Variants in SHROOM1 observed in about 807,000 individuals in gnomAD.
SHROOM1 encodes shroom family member 1.
A neutral mutation model predicts 64.2 loss-of-function variants in SHROOM1; 53 were observed. That is an observed-to-expected ratio of 0.83 (90% CI 0.66 to 1.04). The LOEUF (loss-of-function observed/expected upper bound fraction) is 1.04, where lower values mean the gene tolerates loss of function less well. Among genes scored for constraint, SHROOM1 ranks in the 50% least tolerant of loss-of-function variants. The pLI is 0.00. For synonymous variants in SHROOM1, 490 were observed against 518.9 expected (o/e 0.94, Z 0.76); for missense variants, 1,179 against 1,163.2 (o/e 1.01, Z -0.20).
rs1758532672 is a variant in SHROOM1, at chr5:132,823,531, A to AAGGCTCAAGGCTGGGGCC, written c.1954-27_1954-10dup. 3 of 1,588,564 alleles carry AAGGCTCAAGGCTGGGGCC rather than the reference A, an allele frequency of 1.9e-6. No individual in the cohort carries two copies. The East Asian group carries it at 6.8e-5, about 36-fold the overall frequency. ...CGGGCGGCCAGCTCCACCTACAGGG[A>AAGGCTCAAGGCTGGGGCC]AGGCTCAAGGCTGGGGCCAGGCTCA... On this transcript the variant is annotated splice_polypyrimidine_tract_variant and intron_variant, in intron 8 of 9. Coordinates refer to ENST00000378679, the MANE Select transcript of SHROOM1 (RefSeq NM_001172700.2). This position sits in a 1 kb window ranked among gnomAD's most constrained non-coding sequence, Gnocchi z 4.6.
chr5:132,829,546 G>C lies in SHROOM1; in HGVS notation c.-501+1048C>G, dbSNP rs1447471060. The C allele has an allele frequency of 9.2e-6, 9 of 979,162 alleles. No individual in the cohort carries two copies. The East Asian group carries it at 4.5e-4, about 49-fold the overall frequency. 60.7% of individuals were successfully genotyped at this position (979,162 alleles called of 1,614,324 possible). A position where few individuals can be genotyped will look rare whatever the true frequency, so the allele number is the denominator to read the frequency against. On this transcript the variant is annotated intron_variant, in intron 1 of 9. Transcript: ENST00000378679. ...CAGATCCAAGTAAGGCGACCGAGGA[G>C]GCACAGGAGAACGGACAGCCTCAAA...
At chr5:132,826,899 T>C (rs183790121) in intron 2 of SHROOM1, among the ~76,000 whole-genome samples, 30 of 152,344 alleles carry the variant, frequency 2.0e-4, no homozygotes, top group Admixed American at 1.1e-3. Context: ...ATCAATTTCC[T>C]AGAAGCAAGC....
Position 132,823,656 on chromosome 5 carries a change from G to A in SHROOM1, c.1920C>T (p.Leu640=), listed in dbSNP as rs932576499. ...PVLDQPCGQG[L]PAPNNSIQGK... Reference sequence around the variant, plus strand: ...CCTGGATGCTGTTGTTTGGTGCAGGGAGCCCCTGCCCACATGGCTGGTCAA... The same window carrying A: ...CCTGGATGCTGTTGTTTGGTGCAGGAAGCCCCTGCCCACATGGCTGGTCAA... Residue 640 remains leucine, a synonymous_variant, in exon 8 of 10, where the codon CTC becomes CTT. Coordinates refer to ENST00000378679, the MANE Select transcript of SHROOM1 (RefSeq NM_001172700.2). The surrounding 1 kb of genome is among the most constrained non-coding windows in gnomAD (Gnocchi z 4.6). 1.2e-5 allele frequency: 19 copies of A among 1,608,462 alleles called. No homozygotes were observed. In the East Asian group the frequency reaches 3.6e-4, roughly 30 times the overall value.
rs776321845 is a variant in SHROOM1 at position 132,825,556 on chromosome 5, C to T, written c.585G>A (p.Glu195=). 1.4e-6 allele frequency: 2 copies of T among 1,418,886 alleles called. No homozygotes were observed. Among genetic ancestry groups the T allele is most frequent in the South Asian group, 1.5e-5 (1 of 65,946 alleles). The allele number at this position is 1,418,886 out of a possible 1,614,324, so 87.9% of individuals were successfully genotyped here. ...RSASLSHPGG[E]GEPARSRAPA... is the part of the protein sequence containing the mutation. ...GAGCCCGGGAGCGCGCCGGCTCCCC[C>T]TCCCCGCCCGGGTGGCTGAGCGAGG... is the stretch of plus-strand genomic sequence containing the variant. The change falls in exon 4 of 10, where the codon GAG becomes GAA. Residue 195 remains glutamate, a synonymous_variant. Transcript: ENST00000378679. This position sits in a 1 kb window ranked among gnomAD's most constrained non-coding sequence, Gnocchi z 5.1.
chr5:132,825,802 C>A lies in SHROOM1; in HGVS notation c.339G>T (p.Pro113=). The change falls in exon 4 of 10, where the codon CCG becomes CCT. Residue 113 remains proline (P), a synonymous_variant. Coordinates refer to ENST00000378679, the MANE Select transcript of SHROOM1 (RefSeq NM_001172700.2). The surrounding 1 kb of genome is among the most constrained non-coding windows in gnomAD (Gnocchi z 5.1). ...TPGPLNRQAT[P]LLYALAAEAE... Reference sequence around the variant, plus strand: ...CCTCGGCCGCCAGCGCGTACAGCAGCGGGGTGGCCTGCCTGTTCAGTGGTC... The same window carrying A: ...CCTCGGCCGCCAGCGCGTACAGCAGAGGGGTGGCCTGCCTGTTCAGTGGTC... 2 of 1,247,738 alleles carry A rather than the reference C, an allele frequency of 1.6e-6. No individual in the cohort carries two copies. The highest frequency in any genetic ancestry group is 2.0e-6 in the Non-Finnish European group (2 of 998,272). The allele number at this position is 1,247,738 out of a possible 1,614,324, so 77.3% of individuals were successfully genotyped here.
rs542057296 is a variant in SHROOM1 at position 132,830,159 on chromosome 5, C to T, written c.-501+435G>A. The stretch of plus-strand genomic sequence containing the variant: ...GCCGCAGCCCCGCGCAGTTCTGGGC[C>T]TTTCCCGTTGGGTTCACCGTCGGGG... On this transcript the variant is annotated intron_variant, in intron 1 of 9. Transcript: ENST00000378679. This position sits in a 1 kb window ranked among gnomAD's most constrained non-coding sequence, Gnocchi z 5.9. 3.6e-5 allele frequency: 35 copies of T among 985,212 alleles called. 2 individuals are homozygous for T. In the South Asian group the frequency reaches 1.4e-3, roughly 40 times the overall value. 61.0% of individuals were successfully genotyped at this position (985,212 alleles called of 1,614,324 possible).
At position 132,823,141 on chromosome 5, in the gene SHROOM1, G is replaced by C. The variant is rs780852928; in HGVS notation, c.2227-13C>G. On this transcript the variant is annotated splice_polypyrimidine_tract_variant and intron_variant, in intron 9 of 9. Transcript: ENST00000378679. The surrounding 1 kb of genome is among the most constrained non-coding windows in gnomAD (Gnocchi z 4.6). ...GCAGCAGGGAGGCCTTGAGCCGCAG[G>C]AAGAGGCGCCGTGAGCCGGGTGAGG... The C allele has an allele frequency of 3.2e-6, 5 of 1,547,524 alleles. No individual in the cohort carries two copies. The highest frequency in any genetic ancestry group is 4.3e-6 in the Non-Finnish European group (5 of 1,155,070).
rs1758470138 is a variant in SHROOM1, at chr5:132,822,357, T to TC, written c.*438_*439insG. Reference sequence around the variant, plus strand: ...GAACACTTTGGAGAAGTATCTTTTTTTTTTTTTTTTTTTTTTTTTTTTTTG... The same window carrying TC: ...GAACACTTTGGAGAAGTATCTTTTTTCTTTTTTTTTTTTTTTTTTTTTTTTG... On this transcript the variant is annotated 3_prime_UTR_variant, in exon 10 of 10. Transcript: ENST00000378679. The TC allele has an allele frequency of 8.5e-6, 1 of 117,202 alleles. No individual in the cohort carries two copies. Among genetic ancestry groups the TC allele is most frequent in the Non-Finnish European group, 1.8e-5 (1 of 55,254 alleles). 7.3% of individuals were successfully genotyped at this position (117,202 alleles called of 1,614,324 possible). A position where few individuals can be genotyped will look rare whatever the true frequency, so the allele number is the denominator to read the frequency against.
chr5:132,826,147 G>A lies in SHROOM1; in HGVS notation c.-7C>T, dbSNP rs1007119786. ...CAGGTCCCAGGGCCTCCATGGCTGC[G>A]CAGATGAGTGCTGAGGCTGGGTGGC... On this transcript the variant is annotated 5_prime_UTR_variant, in exon 4 of 10. Coordinates refer to ENST00000378679, the MANE Select transcript of SHROOM1 (RefSeq NM_001172700.2). The A allele has an allele frequency of 2.2e-6, 3 of 1,354,262 alleles. No individual in the cohort carries two copies. Among genetic ancestry groups the A allele is most frequent in the African/African-American group, 1.5e-5 (1 of 66,854 alleles). The allele number at this position is 1,354,262 out of a possible 1,614,324, so 83.9% of individuals were successfully genotyped here. A position where few individuals can be genotyped will look rare whatever the true frequency, so the allele number is the denominator to read the frequency against.
chr5:132,825,007 G>A lies in SHROOM1; in HGVS notation c.1034+11C>T, dbSNP rs370663369. ...CCCCCAACTTGGTCCAGAGTGGTCC[G>A]TGTCTCTCACCTGGAAAGTTTGGTC... On this transcript the variant is annotated intron_variant, in intron 5 of 9. Transcript: ENST00000378679. This position sits in a 1 kb window ranked among gnomAD's most constrained non-coding sequence, Gnocchi z 5.1. The A allele has an allele frequency of 7.3e-5, 118 of 1,613,840 alleles. No homozygotes were observed. In the Admixed American group the frequency reaches 1.7e-3, roughly 23 times the overall value.
Position 132,825,566 on chromosome 5 carries a change from G to A in SHROOM1, c.575C>T (p.Pro192Leu), listed in dbSNP as rs978213584. The part of the protein sequence containing the change: ...THPRSASLSH[P>L]GGEGEPARSR... The stretch of plus-strand genomic sequence containing the variant: ...GCGCGCCGGCTCCCCCTCCCCGCCC[G>A]GGTGGCTGAGCGAGGCGGAGCGCGG... The change falls in exon 4 of 10, where the codon CCG becomes CTG. Residue 192 changes from proline (P) to leucine (L), a missense_variant. By Grantham distance (98) the Pro-to-Leu change is moderately conservative. Transcript: ENST00000378679. This position sits in a 1 kb window ranked among gnomAD's most constrained non-coding sequence, Gnocchi z 5.1. 7.1e-7 allele frequency: 1 copy of A among 1,411,952 alleles called. No individual in the cohort carries two copies. Among genetic ancestry groups the A allele is most frequent in the Non-Finnish European group, 9.2e-7 (1 of 1,091,576 alleles). The allele number at this position is 1,411,952 out of a possible 1,614,324, so 87.5% of individuals were successfully genotyped here. A position where few individuals can be genotyped will look rare whatever the true frequency, so the allele number is the denominator to read the frequency against.
In SHROOM1 at chr5:132,823,899, G is replaced by C. The variant is rs142795408; in HGVS notation, c.1762C>G (p.Pro588Ala). 5.2e-6 allele frequency: 8 copies of C among 1,542,364 alleles called. No homozygotes were observed. The East Asian group carries it at 1.1e-4, about 22-fold the overall frequency. ...PLAEVRAAMR[P>A]ACGEAGEEAA... is the part of the protein sequence containing the mutation. ...TCCTCTCCAGCCTCCCCACAGGCAG[G>C]CCGCATTGCAGCCCGGACCTCTGCT... The change falls in exon 7 of 10, where the codon CCT becomes GCT. Residue 588 changes from proline to alanine, a missense_variant. Pro to Ala is a conservative substitution (Grantham distance 27, BLOSUM62 -1). Coordinates refer to ENST00000378679, the MANE Select transcript of SHROOM1 (RefSeq NM_001172700.2). This position sits in a 1 kb window ranked among gnomAD's most constrained non-coding sequence, Gnocchi z 4.6.
Position 132,823,433 on chromosome 5 carries a change from C to G in SHROOM1, c.2043G>C (p.Arg681Ser). 1 of 1,611,972 alleles carries G rather than the reference C, an allele frequency of 6.2e-7. No homozygotes were observed. Residue 681 changes from arginine to serine, a missense_variant, in exon 9 of 10, where the codon AGG becomes AGC. By Grantham distance (110) the Arg-to-Ser change is moderately radical. Transcript: ENST00000378679. The surrounding 1 kb of genome is among the most constrained non-coding windows in gnomAD (Gnocchi z 4.6). ...RLQGEAQAWA[R>S]RQAALEAAVR... The stretch of plus-strand genomic sequence containing the variant: ...CTGCAGCCTCCAGAGCCGCTTGGCG[C>G]CTGGCCCACGCTTGTGCCTCCCCCT...
At position 132,825,404 on chromosome 5, in the gene SHROOM1, G is replaced by T. The variant is rs1025451269; in HGVS notation, c.737C>A (p.Ala246Asp). Residue 246 changes from alanine to aspartate, a missense_variant, in exon 4 of 10, where the codon GCC (alanine) becomes GAC (aspartate). Transcript: ENST00000378679. The surrounding 1 kb of genome is among the most constrained non-coding windows in gnomAD (Gnocchi z 5.1). ...GGPARECLGE[A>D]CSSSGLPGPE... is the part of the protein sequence containing the mutation. ...CCCAGGGAGGCCAGAGCTGGAGCAG[G>T]CCTCACCCAGGCATTCCCGCGCCGG... The T allele has an allele frequency of 1.9e-6, 3 of 1,595,562 alleles. No homozygotes were observed. Among genetic ancestry groups the T allele is most frequent in the African/African-American group, 1.3e-5 (1 of 74,848 alleles).
rs2150033989 is a variant in SHROOM1, at chr5:132,829,002, G to C, written c.-500-1395C>G. 2.0e-5 allele frequency among the ~76,000 whole-genome samples: 3 copies of C among 152,364 alleles called. No homozygotes were observed. The Middle Eastern group carries it at 0.01, about 518-fold the overall frequency. On this transcript the variant is annotated intron_variant, in intron 1 of 9. Coordinates refer to ENST00000378679, the MANE Select transcript of SHROOM1 (RefSeq NM_001172700.2). The stretch of plus-strand genomic sequence containing the variant: ...GGCTGGGGGTAGCCCTACCTTAGGG[G>C]TCCCTGCCTCAGTGGCAGTGGTACC...
rs754025919 is a variant in SHROOM1, at chr5:132,822,984, C to G, written c.2371G>C (p.Ala791Pro). Reference protein sequence around the residue: ...LPVEELRVYCALLAGKAAVLA... With the variant: ...LPVEELRVYCPLLAGKAAVLA... ...ACGGCGGCCTTGCCCGCCAGCAGGG[C>G]GCAATAGACGCGCAGCTCCTCCACC... Residue 791 changes from alanine to proline, a missense_variant, in exon 10 of 10, where the codon GCC becomes CCC. By Grantham distance (27) the Ala-to-Pro change is conservative. Coordinates refer to ENST00000378679, the MANE Select transcript of SHROOM1 (RefSeq NM_001172700.2). 3.4e-5 allele frequency: 54 copies of G among 1,608,108 alleles called. No individual in the cohort carries two copies. Among genetic ancestry groups the G allele is most frequent in the Non-Finnish European group, 4.4e-5 (52 of 1,179,760 alleles).
rs34378204 is a variant in SHROOM1, at chr5:132,822,351, C to CTTTTTTTTTTTTTTTTTTTTT, written c.*424_*444dup. 2 of 58,642 alleles carry CTTTTTTTTTTTTTTTTTTTTT rather than the reference C, an allele frequency of 3.4e-5. 1 individual carries two copies. The highest frequency in any genetic ancestry group is 1.4e-4 in the African/African-American group (2 of 13,950). 3.6% of individuals were successfully genotyped at this position (58,642 alleles called of 1,614,324 possible). A position where few individuals can be genotyped will look rare whatever the true frequency, so the allele number is the denominator to read the frequency against. ...ACATGAGAACACTTTGGAGAAGTAT[C>CTTTTTTTTTTTTTTTTTTTTT]TTTTTTTTTTTTTTTTTTTTTTTTT... On this transcript the variant is annotated 3_prime_UTR_variant, in exon 10 of 10. Coordinates refer to ENST00000378679, the MANE Select transcript of SHROOM1 (RefSeq NM_001172700.2).
In SHROOM1 at chr5:132,830,083, C is replaced by G; in HGVS notation, c.-501+511G>C. On this transcript the variant is annotated intron_variant, in intron 1 of 9. Transcript: ENST00000378679. The surrounding 1 kb of genome is among the most constrained non-coding windows in gnomAD (Gnocchi z 5.9). ...ACGGGAGGGAGAGAGGCGCAGGCCC[C>G]GGCGGCCGCAGGGGGCGGCAGAGAC... 1.0e-6 allele frequency: 1 copy of G among 985,342 alleles called. No homozygotes were observed. Among genetic ancestry groups the G allele is most frequent in the African/African-American group, 1.7e-5 (1 of 57,324 alleles). 61.0% of individuals were successfully genotyped at this position (985,342 alleles called of 1,614,324 possible).
Position 132,822,371 on chromosome 5 carries a change from T to C in SHROOM1, c.*425A>G, listed in dbSNP as rs1758470377. On this transcript the variant is annotated 3_prime_UTR_variant, in exon 10 of 10. Transcript: ENST00000378679. ...AGTATCTTTTTTTTTTTTTTTTTTT[T>C]TTTTTTTTTTGAGACGGAGTCTTGC... The C allele has an allele frequency of 2.2e-5, 3 of 133,552 alleles. No homozygotes were observed. 8.3% of individuals were successfully genotyped at this position (133,552 alleles called of 1,614,324 possible). A position where few individuals can be genotyped will look rare whatever the true frequency, so the allele number is the denominator to read the frequency against.
Sources: allele counts gnomAD v4.1 joint callset (sites outside exome capture counted in the v4.1 genomes callset), GRCh38; gene constraint gnomAD v4.1.1; non-coding constraint Gnocchi (gnomAD v3.1); transcripts MANE v1.5; gene names NCBI Gene and HGNC (gene_info 2026-07-23, HGNC 2026-07-21).